Variants in CNTN5 observed in about 807,000 individuals in gnomAD.
The protein encoded by CNTN5 is contactin 5.
In CNTN5, 77 loss-of-function variants were observed where a neutral mutation model predicts 129.1. The ratio of observed to expected loss-of-function variants is 0.60; its 90% CI spans 0.50 to 0.72. CNTN5 has a LOEUF of 0.72. CNTN5 is among the 30% of genes least tolerant of loss of function. The pLI is 0.00. For missense variants in CNTN5, 1,478 were observed against 1,328.8 expected, an observed-to-expected ratio of 1.11 and a Z score of -1.75; for synonymous variants, 509 against 465.6, an observed-to-expected ratio of 1.09 and a Z score of -1.20.
intron 1 of CNTN5, among the ~76,000 whole-genome samples, chr11:99,109,210 A>G (rs1857667182): frequency 6.6e-6 from 1 of 151,938 alleles, no homozygotes; most frequent in East Asian, 1.9e-4. Flanking sequence ...CTAGTCATAT[A>G]TATATTAATC....
intron 9 of CNTN5, among the ~76,000 whole-genome samples, chr11:100,013,795 C>T (rs808828): frequency 0.49 from 74,127 of 151,906 alleles, 18,327 homozygotes; most frequent in East Asian, 0.73. Flanking sequence ...CTTTTAAAGC[C>T]GATTTATCTA....
chr11:99,185,291 T>G (rs1555071748), intron 1 of CNTN5, among the ~76,000 whole-genome samples: 1 of 151,872 alleles, frequency 6.6e-6, no homozygotes, highest in Non-Finnish European at 1.5e-5. Flanking sequence ...CTAAAGATTT[T>G]TTTTATTCAT....
intron 1 of CNTN5, among the ~76,000 whole-genome samples, chr11:99,292,829 T>A (rs1044800997): frequency 2.6e-5 from 4 of 151,720 alleles, no homozygotes; most frequent in Non-Finnish European, 4.4e-5. Context: ...GAAGAAAGTA[T>A]AGGACTCCTT....
At chr11:100,322,542 C>A (rs967028661) in intron 21 of CNTN5, among the ~76,000 whole-genome samples, 13 of 152,080 alleles carry the variant, frequency 8.5e-5, no homozygotes, top group African/African-American at 2.9e-4. Context: ...GTCTTCTAAA[C>A]TACATCGTAA....
rs570343672 is a variant in CNTN5, at chr11:99,098,621, C to T, written c.-210+77351C>T. On this transcript the variant is annotated intron_variant, in intron 1 of 24. Transcript: ENST00000524871. ...TCTGAGGGAAGAAAACGATAGTCTT[C>T]GATTGTTTAATATAAAATATTAATT... Among the ~76,000 whole-genome samples the T allele has an allele frequency of 1.2e-4, 18 of 152,116 alleles. No homozygotes were observed. The South Asian group carries it at 1.7e-3, about 14-fold the overall frequency.
chr11:99,840,525 A>T (rs551062695), intron 4 of CNTN5, among the ~76,000 whole-genome samples: 54 of 152,232 alleles, frequency 3.5e-4, no homozygotes, highest in African/African-American at 1.3e-3. Context: ...TCTAAGAAAA[A>T]AAAAAGCCTC....
At chr11:99,494,423 AC>A (rs757511422) in intron 2 of CNTN5, among the ~76,000 whole-genome samples, 49 of 152,186 alleles carry the variant, frequency 3.2e-4, no homozygotes, top group Admixed American at 3.9e-4. Flanking sequence ...TGAACTGTAT[AC>A]CTTTTATCCT....
chr11:99,751,294 G>A (rs1209878537), intron 3 of CNTN5, among the ~76,000 whole-genome samples: 1 of 152,104 alleles, frequency 6.6e-6, no homozygotes, highest in African/African-American at 2.4e-5. Flanking sequence ...CTAAGACTGT[G>A]CCATTGCACT....
chr11:99,069,609 A>G (rs995502008), intron 1 of CNTN5, among the ~76,000 whole-genome samples: 2 of 152,148 alleles, frequency 1.3e-5, no homozygotes, highest in African/African-American at 4.8e-5. Flanking sequence ...TGTGTGTTTT[A>G]TGTATTCATT....
chr11:99,972,118 G>C lies in CNTN5; in HGVS notation c.877+15109G>C, dbSNP rs868679749. Among the ~76,000 whole-genome samples, 758 of 142,062 alleles carry C rather than the reference G, an allele frequency of 5.3e-3. 6 individuals are homozygous for C. The highest frequency in any genetic ancestry group is 0.017 in the African/African-American group (641 of 37,906). The allele number at this position is 142,062 out of a possible 152,430, so 93.2% of individuals were successfully genotyped here. A position where few individuals can be genotyped will look rare whatever the true frequency, so the allele number is the denominator to read the frequency against. ...AAAAAAAAAAAAAAAAAAATTAGCC[G>C]GGCGTGGTGGCGGGTGCCTGTAGTC... On this transcript the variant is annotated intron_variant, in intron 8 of 24. Coordinates refer to ENST00000524871, the MANE Select transcript of CNTN5 (RefSeq NM_014361.4).
chr11:99,916,070 T>G lies in CNTN5; in HGVS notation c.594T>G (p.Ser198Arg). 2 of 1,612,110 alleles carry G rather than the reference T, an allele frequency of 1.2e-6. No individual in the cohort carries two copies. Among genetic ancestry groups the G allele is most frequent in the Non-Finnish European group, 1.7e-6 (2 of 1,179,040 alleles). The change falls in exon 7 of 25, where the codon AGT becomes AGG. Residue 198 changes from serine (S) to arginine (R), a missense_variant. Transcript: ENST00000524871. ...TLQFAYLGNF[S>R]GRTRSAVSVR... ...TGTTGACAGATCTGGGAAATTTTAG[T>G]GGCCGGACAAGAAGTGCAGTCTCTG...
intron 1 of CNTN5, among the ~76,000 whole-genome samples, chr11:99,203,580 C>CT (rs922960002): frequency 1.2e-4 from 17 of 146,522 alleles, no homozygotes; most frequent in South Asian, 2.2e-4. Context: ...TGTAACATTT[C>CT]TTTTTTTTTT....
chr11:99,532,281 C>A (rs1471428945), intron 2 of CNTN5, among the ~76,000 whole-genome samples: 2 of 152,098 alleles, frequency 1.3e-5, no homozygotes, highest in East Asian at 1.9e-4. Context: ...TGGCCAATTT[C>A]TTCTGTTTGG....
At chr11:99,468,251 C>A (rs946456197) in intron 2 of CNTN5, among the ~76,000 whole-genome samples, 6 of 152,094 alleles carry the variant, frequency 3.9e-5, no homozygotes, top group Admixed American at 2.0e-4. Flanking sequence ...ATACATGTCT[C>A]CATTCTGTGA....
chr11:99,961,216 A>AAAC (rs1480298794), intron 8 of CNTN5, among the ~76,000 whole-genome samples: 1 of 144,776 alleles, frequency 6.9e-6, no homozygotes, highest in African/African-American at 2.5e-5. Context: ...GAAAAAAAAA[A>AAAC]AAAAAAAAAC....
At chr11:100,259,958 A>G (rs993118217) in intron 17 of CNTN5, among the ~76,000 whole-genome samples, 3 of 152,180 alleles carry the variant, frequency 2.0e-5, no homozygotes, top group Non-Finnish European at 4.4e-5. Context: ...AATAGAAATG[A>G]AGGAGATAGA....
chr11:99,345,423 G>T (rs994029055), intron 2 of CNTN5, among the ~76,000 whole-genome samples: 1 of 151,986 alleles, frequency 6.6e-6, no homozygotes, highest in African/African-American at 2.4e-5. Flanking sequence ...CATCTTAAAG[G>T]CAACTTAAAA....
chr11:99,691,787 G>C (rs536451490), intron 3 of CNTN5, among the ~76,000 whole-genome samples: 1 of 152,156 alleles, frequency 6.6e-6, no homozygotes, highest in South Asian at 2.1e-4. Flanking sequence ...CTGAGTTCAG[G>C]TCCTGAATAG....
chr11:99,410,789 C>A (rs188478563), intron 2 of CNTN5, among the ~76,000 whole-genome samples: 1 of 152,232 alleles, frequency 6.6e-6, no homozygotes, highest in African/African-American at 2.4e-5. Context: ...TGGAAATGTA[C>A]CCCCTCTGTG....
Sources: gnomAD v4.1 joint callset for allele counts (sites outside exome capture counted in the v4.1 genomes callset) on GRCh38, gnomAD v4.1.1 for gene constraint, MANE v1.5 for transcripts, NCBI Gene and HGNC (gene_info 2026-07-23, HGNC 2026-07-21) for gene names.